TRIM44: variants seen among roughly 807,000 people sequenced by gnomAD.
TRIM44 encodes the protein tripartite motif containing 44.
TRIM44 carries 13 observed loss-of-function variants against 37.4 expected under a neutral mutation model. The observed-to-expected ratio is 0.35, with a 90% CI of 0.23 to 0.55. The LOEUF is 0.55. Ranked by LOEUF, TRIM44 falls within the 20% of genes least tolerant of loss-of-function variation. The pLI is 0.89. For synonymous variants in TRIM44, 175 were observed against 157.2 expected, an observed-to-expected ratio of 1.11 and a Z score of -0.85; for missense variants, 426 against 437.2, an observed-to-expected ratio of 0.97 and a Z score of 0.23.
intron 4 of TRIM44, among the ~76,000 whole-genome samples, chr11:35,756,432 A>G (rs1341448558): frequency 3.3e-5 from 5 of 152,216 alleles, no homozygotes; most frequent in African/African-American, 1.2e-4. Flanking sequence ...TTCTAGATAT[A>G]TAATCATGTC....
intron 1 of TRIM44, among the ~76,000 whole-genome samples, chr11:35,679,767 A>G (rs1851503787): frequency 6.6e-6 from 1 of 152,236 alleles, no homozygotes; most frequent in Admixed American, 6.5e-5. Context: ...TGTGTGGGAC[A>G]ACACTCTAAA....
intron 3 of TRIM44, among the ~76,000 whole-genome samples, chr11:35,732,721 TAAAGG>T (rs1852277634): frequency 6.6e-6 from 1 of 152,174 alleles, no homozygotes; most frequent in Non-Finnish European, 1.5e-5. Context: ...GGCTTGATCT[TAAAGG>T]ATAGATAGGA....
intron 2 of TRIM44, among the ~76,000 whole-genome samples, chr11:35,720,932 C>G (rs1480498745): frequency 1.4e-5 from 2 of 142,254 alleles, no homozygotes; most frequent in South Asian, 4.4e-4. Context: ...TTTTAACAGT[C>G]TTGCTCTGTC....
Position 35,761,362 on chromosome 11 carries a change from A to G in TRIM44, c.1007+25917A>G, listed in dbSNP as rs16927891. 0.014 allele frequency among the ~76,000 whole-genome samples: 2,108 copies of G among 150,514 alleles called. 119 individuals are homozygous for G. In the East Asian group the frequency reaches 0.14, roughly 10 times the overall value. The stretch of plus-strand genomic sequence containing the variant: ...CAAGTTTTATCTCTATAACAAGTCT[A>G]TTGTAGCAGGTCTGTTGTATTGTTT... On this transcript the variant is annotated intron_variant, in intron 4 of 4. Transcript: ENST00000299413.
chr11:35,666,811 A>G (rs550745109), intron 1 of TRIM44, among the ~76,000 whole-genome samples: 31 of 151,316 alleles, frequency 2.0e-4, no homozygotes, highest in African/African-American at 7.6e-4. Flanking sequence ...ATATAGGAAT[A>G]TGATTAACTT....
chr11:35,761,881 T>C (rs1852734302), intron 4 of TRIM44, among the ~76,000 whole-genome samples: 1 of 152,226 alleles, frequency 6.6e-6, no homozygotes, highest in African/African-American at 2.4e-5. Context: ...TGTTTGCTCT[T>C]TGAGCCTTCT....
chr11:35,757,639 G>A (rs11517924), intron 4 of TRIM44, among the ~76,000 whole-genome samples: 18,313 of 152,168 alleles, frequency 0.12, 1,420 homozygotes, highest in Non-Finnish European at 0.17. Context: ...GGCATTTAGT[G>A]CTATAAATTT....
In TRIM44 at chr11:35,715,631, G is replaced by T. The variant is rs74702840; in HGVS notation, c.748-10293G>T. Among the ~76,000 whole-genome samples the T allele has an allele frequency of 2.6e-3, 399 of 152,058 alleles. 9 individuals are homozygous for T. In the East Asian group the frequency reaches 0.064, roughly 24 times the overall value. On this transcript the variant is annotated intron_variant, in intron 2 of 4. Coordinates refer to ENST00000299413, the MANE Select transcript of TRIM44 (RefSeq NM_017583.6). Reference sequence around the variant, plus strand: ...TGGCCACAAGTAGAGGAAGGATGGAGTAGTCTGACTGAGATAGGGGGTGTA... The same window carrying T: ...TGGCCACAAGTAGAGGAAGGATGGATTAGTCTGACTGAGATAGGGGGTGTA...
chr11:35,730,511 A>T (rs1184160230), intron 3 of TRIM44, among the ~76,000 whole-genome samples: 3 of 152,222 alleles, frequency 2.0e-5, no homozygotes, highest in Non-Finnish European at 4.4e-5. Context: ...AAGCAAGATA[A>T]ACTAAGAAAT....
chr11:35,663,378 G>A lies in TRIM44; in HGVS notation c.267G>A (p.Arg89=), dbSNP rs1308489574. The A allele has an allele frequency of 6.8e-6, 11 of 1,611,296 alleles. No homozygotes were observed. The highest frequency in any genetic ancestry group is 9.3e-6 in the Non-Finnish European group (11 of 1,178,592). ...EEAEVKVEQE[R]EIESEAGEES... ...CGGAGGTCAAGGTGGAGCAGGAGAG[G>A]GAGATAGAAAGCGAGGCAGGGGAAG... is the stretch of plus-strand genomic sequence containing the variant. The change falls in exon 1 of 5, where the codon AGG becomes AGA. Residue 89 remains arginine, a synonymous_variant. Coordinates refer to ENST00000299413, the MANE Select transcript of TRIM44 (RefSeq NM_017583.6).
intron 4 of TRIM44, among the ~76,000 whole-genome samples, chr11:35,793,406 TC>T: frequency 6.6e-6 from 1 of 152,056 alleles, no homozygotes; most frequent in South Asian, 2.1e-4. Flanking sequence ...GTGCCTGTAA[TC>T]CCAGCTACTC....
At chr11:35,672,013 T>A (rs909727005) in intron 1 of TRIM44, among the ~76,000 whole-genome samples, 2 of 152,222 alleles carry the variant, frequency 1.3e-5, no homozygotes, top group African/African-American at 4.8e-5. Context: ...TCACTGGATC[T>A]GACAAAAGAG....
At chr11:35,738,060 C>G (rs1218105279) in intron 4 of TRIM44, among the ~76,000 whole-genome samples, 2 of 152,090 alleles carry the variant, frequency 1.3e-5, no homozygotes, top group African/African-American at 4.8e-5. Flanking sequence ...AGTCAGAGCC[C>G]TAGACTTACT....
chr11:35,738,529 T>C (rs1852354060), intron 4 of TRIM44, among the ~76,000 whole-genome samples: 1 of 152,208 alleles, frequency 6.6e-6, no homozygotes, highest in Admixed American at 6.5e-5. Context: ...TCAGATTTTC[T>C]TTTTTAACCT....
intron 4 of TRIM44, among the ~76,000 whole-genome samples, chr11:35,795,694 G>GTT (rs150864356): frequency 6.6e-6 from 1 of 151,106 alleles, no homozygotes. Flanking sequence ...AACTCTTCCC[G>GTT]TTTTTTTTTA....
intron 1 of TRIM44, among the ~76,000 whole-genome samples, chr11:35,678,936 C>T (rs1445736178): frequency 1.3e-5 from 2 of 151,916 alleles, no homozygotes; most frequent in Non-Finnish European, 2.9e-5. Flanking sequence ...TGATCCTTTT[C>T]CACAATTTCT....
chr11:35,732,542 C>T (rs546902140), intron 3 of TRIM44, among the ~76,000 whole-genome samples: 11 of 152,238 alleles, frequency 7.2e-5, no homozygotes, highest in Middle Eastern at 3.4e-3. Flanking sequence ...ATGAGCAAAA[C>T]ACAAGTTCTA....
chr11:35,775,899 G>A (rs12793879), intron 4 of TRIM44, among the ~76,000 whole-genome samples: 7,902 of 152,160 alleles, frequency 0.052, 295 homozygotes, highest in Non-Finnish European at 0.08. Context: ...TTTTTGCATC[G>A]ATGTTCATCA....
chr11:35,675,309 A>T (rs1255838114), intron 1 of TRIM44, among the ~76,000 whole-genome samples: 1 of 152,214 alleles, frequency 6.6e-6, no homozygotes, highest in Non-Finnish European at 1.5e-5. Flanking sequence ...AAAATAATGA[A>T]ATAATTTGGA....
Sources: allele counts gnomAD v4.1 joint callset (sites outside exome capture counted in the v4.1 genomes callset), GRCh38; gene constraint gnomAD v4.1.1; transcripts MANE v1.5; gene names NCBI Gene and HGNC (gene_info 2026-07-23, HGNC 2026-07-21).